The following AHI1 variants were observed in gnomAD, a reference collection of about 807,000 sequenced individuals.
The protein encoded by AHI1 is jouberin.
AHI1 carries 123 observed loss-of-function variants against 149.3 expected under a neutral mutation model. The observed-to-expected ratio is 0.82, with a 90% CI of 0.71 to 0.96. The LOEUF (loss-of-function observed/expected upper bound fraction) is 0.96. Among genes scored for constraint, AHI1 ranks in the 40% least tolerant of loss-of-function variants. AHI1 has a pLI of 0.00. For synonymous variants in AHI1, 475 were observed against 459.8 expected, an observed-to-expected ratio of 1.03 and a Z score of -0.42; for missense variants, 1,439 against 1,422.7, an observed-to-expected ratio of 1.01 and a Z score of -0.18.
chr6:135,405,101 T>C, intron 21 of AHI1, 124 bp from the exon 22 acceptor site: 2 of 742,096 alleles, frequency 2.7e-6, no homozygotes, highest in South Asian at 3.6e-5. Flanking sequence ...CTTTATCCAT[T>C]ATCCTGCCGT....
At chr6:135,453,576 T>C in intron 10 of AHI1, 140 bp from the exon 11 acceptor site, 1 of 653,210 alleles carries the variant, frequency 1.5e-6, no homozygotes, top group Non-Finnish European at 2.6e-6. Context: ...TTTATCTCAT[T>C]TCATTCACCT....
At chr6:135,472,779 A>G (rs1300242879) in intron 5 of AHI1, among the ~76,000 whole-genome samples, 1 of 146,448 alleles carries the variant, frequency 6.8e-6, no homozygotes, top group Admixed American at 7.1e-5. Context: ...TCTATTTGCT[A>G]TCTATAGCTG....
At chr6:135,327,297 C>T (rs1057072588) in intron 24 of AHI1, among the ~76,000 whole-genome samples, 6 of 152,138 alleles carry the variant, frequency 3.9e-5, no homozygotes, top group Admixed American at 6.5e-5. Flanking sequence ...TCCTCAGCAA[C>T]TTACAGAACC....
intron 5 of AHI1, chr6:135,474,612 A>T (rs1792302275): frequency 6.6e-6 from 1 of 152,150 alleles, no homozygotes; most frequent in Admixed American, 6.5e-5. Flanking sequence ...GACAAGTCTC[A>T]TCTATTGCTG....
intron 27 of AHI1, among the ~76,000 whole-genome samples, chr6:135,293,123 A>G (rs987336846): frequency 6.6e-6 from 1 of 152,186 alleles, no homozygotes; most frequent in African/African-American, 2.4e-5. Context: ...TCACCATATT[A>G]AGAAATTTAA....
intron 20 of AHI1, among the ~76,000 whole-genome samples, chr6:135,425,799 G>A (rs1783837099): frequency 6.6e-6 from 1 of 151,640 alleles, no homozygotes; most frequent in Admixed American, 6.6e-5. Flanking sequence ...AACCAAACTG[G>A]CAAACCTAAC....
At position 135,463,226 on chromosome 6, in the gene AHI1, T is replaced by C; in HGVS notation, c.830A>G (p.His277Arg). ...SSVRSVSSDS[H>R]QDDEISSMEQ... ...CATTGAGCTTATTTCATCATCTTGATGAGAATCTGAAGAAACTGATCTAAC... is the reference window on the plus strand; with the variant it reads ...CATTGAGCTTATTTCATCATCTTGACGAGAATCTGAAGAAACTGATCTAAC... The change falls in exon 8 of 29, where the codon CAT becomes CGT. Residue 277 changes from histidine to arginine, a missense_variant. His to Arg is a conservative substitution (Grantham distance 29). Transcript: ENST00000265602. 6.2e-7 allele frequency: 1 copy of C among 1,610,964 alleles called. No individual in the cohort carries two copies. The highest frequency in any genetic ancestry group is 2.2e-5 in the East Asian group (1 of 44,804).
At chr6:135,404,652 A>G (rs1447230034) in intron 22 of AHI1, among the ~76,000 whole-genome samples, 1 of 152,226 alleles carries the variant, frequency 6.6e-6, no homozygotes, top group East Asian at 1.9e-4. Flanking sequence ...TACAAATTAA[A>G]TATCATATAA....
chr6:135,450,789 A>G (rs1162443092), intron 11 of AHI1, among the ~76,000 whole-genome samples: 1 of 152,190 alleles, frequency 6.6e-6, no homozygotes, highest in Non-Finnish European at 1.5e-5. Context: ...TGTAGAGCTC[A>G]GATAAATAAG....
chr6:135,328,681 G>T (rs1293215732), intron 24 of AHI1, among the ~76,000 whole-genome samples: 1 of 152,054 alleles, frequency 6.6e-6, no homozygotes, highest in African/African-American at 2.4e-5. Flanking sequence ...GCCCCTAAGT[G>T]TTCAAATGAA....
At chr6:135,374,094 ATATATATATATATATTTTTTTTT>A (rs1450246780) in intron 23 of AHI1, among the ~76,000 whole-genome samples, 25 of 19,794 alleles carry the variant, frequency 1.3e-3, no homozygotes, top group African/African-American at 5.1e-3. Context: ...ATATATATAT[ATATATATATATATATTTTTTTTT>A]TTTTTTTTTT....
chr6:135,466,416 G>T (rs1220892158), intron 6 of AHI1, 43 bp from the exon 7 acceptor site: 3 of 1,492,886 alleles, frequency 2.0e-6, no homozygotes, highest in Admixed American at 3.9e-5. Context: ...GTTACACATA[G>T]ATTAGTTATA....
Position 135,480,976 on chromosome 6 carries a change from T to TC in AHI1, c.135+9646dup, listed in dbSNP as rs1032179963. On this transcript the variant is annotated intron_variant, in intron 5 of 28. Coordinates refer to ENST00000265602, the MANE Select transcript of AHI1 (RefSeq NM_001134831.2). ...ATGGAACACTTTCATCCTGAAACCA[T>TC]CCCCCCCGGCCCACTCCATGGAAAA... Among the ~76,000 whole-genome samples the TC allele has an allele frequency of 2.9e-3, 440 of 151,712 alleles. 7 individuals are homozygous for TC. The highest frequency in any genetic ancestry group is 0.014 in the Middle Eastern group (4 of 294).
At chr6:135,468,151 A>G (rs1312153641) in intron 5 of AHI1, among the ~76,000 whole-genome samples, 2 of 152,192 alleles carry the variant, frequency 1.3e-5, no homozygotes, top group Non-Finnish European at 2.9e-5. Context: ...TGCTCACCTA[A>G]AATATATTTC....
At chr6:135,480,742 C>G (rs947158028) in intron 5 of AHI1, among the ~76,000 whole-genome samples, 2 of 152,134 alleles carry the variant, frequency 1.3e-5, no homozygotes, top group African/African-American at 2.4e-5. Flanking sequence ...GGCCTCAGAC[C>G]AGTACTGGTC....
intron 24 of AHI1, among the ~76,000 whole-genome samples, chr6:135,357,097 C>T (rs528136174): frequency 1.3e-5 from 2 of 152,114 alleles, no homozygotes; most frequent in African/African-American, 4.8e-5. Flanking sequence ...CACCACCATG[C>T]CCAGATAACT....
chr6:135,480,520 T>C (rs1198791483), intron 5 of AHI1, among the ~76,000 whole-genome samples: 1 of 152,182 alleles, frequency 6.6e-6, no homozygotes, highest in Admixed American at 6.5e-5. Context: ...TCCCATACTT[T>C]GTGCTACGTG....
rs375153052 is a variant in AHI1 at position 135,368,186 on chromosome 6, T to C, written c.3110-9999A>G. ...GGGGAGTTTCTGCAGAGTCTGGTGA[T>C]GTGATCCGTCTTCAGGTCTCTCAGC... On this transcript the variant is annotated intron_variant, in intron 23 of 28. Transcript: ENST00000265602. Among the ~76,000 whole-genome samples the C allele has an allele frequency of 6.8e-4, 104 of 152,274 alleles. 1 individual carries two copies. The South Asian group carries it at 0.021, about 31-fold the overall frequency.
At chr6:135,461,751 AGAAT>A (rs766938200) in intron 8 of AHI1, among the ~76,000 whole-genome samples, 2 of 152,060 alleles carry the variant, frequency 1.3e-5, no homozygotes, top group Non-Finnish European at 2.9e-5. Flanking sequence ...AACAGAATTA[AGAAT>A]GAATAAGCTC....
Sources: gnomAD v4.1 joint callset for allele counts (sites outside exome capture counted in the v4.1 genomes callset) on GRCh38, gnomAD v4.1.1 for gene constraint, MANE v1.5 for transcripts, NCBI Gene and HGNC (gene_info 2026-07-23, HGNC 2026-07-21) for gene names.